KLF12: variants seen among roughly 807,000 people sequenced by gnomAD.
KLF12 encodes KLF transcription factor 12, also known as Krueppel-like factor 12.
In KLF12, 9 loss-of-function variants were observed where a neutral mutation model predicts 37.8. The ratio of observed to expected loss-of-function variants is 0.24; its 90% CI spans 0.14 to 0.42. The LOEUF is 0.42. KLF12 is among the 10% of genes least tolerant of loss of function. The pLI is 1.00. For synonymous variants in KLF12, 208 were observed against 202.1 expected, an observed-to-expected ratio of 1.03 and a Z score of -0.25; for missense variants, 411 against 516.0, an observed-to-expected ratio of 0.80 and a Z score of 1.97.
intron 3 of KLF12, among the ~76,000 whole-genome samples, chr13:73,907,511 T>C (rs1450183686): frequency 6.6e-6 from 1 of 152,206 alleles, no homozygotes; most frequent in African/African-American, 2.4e-5. Flanking sequence ...TCCTCAGCTC[T>C]CAGTCTTCTA....
At chr13:74,163,236 C>T in the KLF12 span, among the ~76,000 whole-genome samples, 2 of 152,158 alleles carry the variant, frequency 1.3e-5, no homozygotes, top group Non-Finnish European at 2.9e-5. Context: ...GCTGGGTATA[C>T]ACCCAAAAGA....
intron 3 of KLF12, among the ~76,000 whole-genome samples, chr13:73,851,357 G>A (rs1371101064): frequency 6.6e-6 from 1 of 152,108 alleles, no homozygotes; most frequent in Admixed American, 6.5e-5. Flanking sequence ...AGCTGAACAA[G>A]TCATCTTTAG....
chr13:73,756,524 T>G (rs1225296433), intron 6 of KLF12, among the ~76,000 whole-genome samples: 1 of 152,144 alleles, frequency 6.6e-6, no homozygotes, highest in Non-Finnish European at 1.5e-5. Flanking sequence ...AATGATAGAG[T>G]GCTTTCACTT....
chr13:73,854,487 C>T (rs983774004), intron 3 of KLF12, among the ~76,000 whole-genome samples: 3 of 152,132 alleles, frequency 2.0e-5, no homozygotes, highest in Non-Finnish European at 4.4e-5. Context: ...TCAAATGATA[C>T]ATTTAAAAAC....
chr13:73,810,987 T>C lies in KLF12; in HGVS notation c.806+2165A>G, dbSNP rs1387629372. ...TATTTTTTTAATTTTTCTTTCTTTT[T>C]TTTTTTTTTTTTTTTTTTTTAGGAG... On this transcript the variant is annotated intron_variant, in intron 5 of 7. Coordinates refer to ENST00000377669, the MANE Select transcript of KLF12 (RefSeq NM_007249.5). 1.5e-3 allele frequency among the ~76,000 whole-genome samples: 179 copies of C among 122,392 alleles called. 1 individual carries two copies. Among genetic ancestry groups the C allele is most frequent in the African/African-American group, 5.4e-3 (160 of 29,706 alleles). The allele number at this position is 122,392 out of a possible 152,430, so 80.3% of individuals were successfully genotyped here. A position where few individuals can be genotyped will look rare whatever the true frequency, so the allele number is the denominator to read the frequency against.
At chr13:73,752,811 G>T (rs9543444) in intron 6 of KLF12, among the ~76,000 whole-genome samples, 1 of 150,670 alleles carries the variant, frequency 6.6e-6, no homozygotes, top group Non-Finnish European at 1.5e-5. Flanking sequence ...CTGCCTCCCG[G>T]GTTCAAGCAA....
At chr13:73,779,643 G>A (rs1298069160) in intron 5 of KLF12, among the ~76,000 whole-genome samples, 1 of 152,242 alleles carries the variant, frequency 6.6e-6, no homozygotes, top group Non-Finnish European at 1.5e-5. Context: ...CTGGAGACAG[G>A]ATCATGGGAA....
chr13:73,894,398 A>G (rs1785648459), intron 3 of KLF12, among the ~76,000 whole-genome samples: 1 of 152,188 alleles, frequency 6.6e-6, no homozygotes, highest in African/African-American at 2.4e-5. Flanking sequence ...CAGGGATCTA[A>G]GAGAGTCTCC....
rs369653133 is a variant in KLF12, at chr13:73,846,109, T to C, written c.388A>G (p.Ile130Val). The C allele has an allele frequency of 4.3e-6, 7 of 1,613,962 alleles. No homozygotes were observed. The highest frequency in any genetic ancestry group is 4.2e-6 in the Non-Finnish European group (5 of 1,179,994). Residue 130 changes from isoleucine to valine, a missense_variant, in exon 4 of 8, where the codon ATC becomes GTC. Physicochemically the swap from Ile to Val is conservative, Grantham distance 29. Around this residue, in one of 2 missense-constraint regions of KLF12, gnomAD observed 351 missense variants for 397.8 expected, o/e 0.88. Transcript: ENST00000377669. ...GATGACGCTGAAGATACTGATGTGA[T>C]AACAGTTGGGGATGAGGCTAGACGA...
intron 3 of KLF12, among the ~76,000 whole-genome samples, chr13:73,884,605 C>T (rs557221809): frequency 1.3e-5 from 2 of 152,196 alleles, no homozygotes; most frequent in Non-Finnish European, 2.9e-5. Flanking sequence ...CCACAGTACT[C>T]CCCAACAGAA....
In KLF12 at chr13:73,718,007, C is replaced by T. The variant is rs148423580; in HGVS notation, c.870-2482G>A. Among the ~76,000 whole-genome samples the T allele has an allele frequency of 5.4e-3, 819 of 152,234 alleles. 5 individuals are homozygous for T. Among genetic ancestry groups the T allele is most frequent in the Admixed American group, 9.6e-3 (147 of 15,292 alleles). The stretch of plus-strand genomic sequence containing the variant: ...CATAGTGTTGTACAATGTTTAACAT[C>T]TTTTAAAAGTGAGAAAATGATAGAG... On this transcript the variant is annotated intron_variant, in intron 6 of 7. Transcript: ENST00000377669.
At chr13:74,129,821 TA>T (rs2139022296) in intron 1 of KLF12, among the ~76,000 whole-genome samples, 1 of 152,232 alleles carries the variant, frequency 6.6e-6, no homozygotes, top group Middle Eastern at 3.4e-3. Context: ...TTTATGACAA[TA>T]AACACCCAAA....
At chr13:73,701,783 A>C (rs747294178) in intron 7 of KLF12, among the ~76,000 whole-genome samples, 1 of 152,064 alleles carries the variant, frequency 6.6e-6, no homozygotes, top group Non-Finnish European at 1.5e-5. Flanking sequence ...TTCAATTCTG[A>C]AGGGATGGTC....
intron 3 of KLF12, among the ~76,000 whole-genome samples, chr13:73,866,842 C>T (rs1272212554): frequency 1.4e-5 from 2 of 143,026 alleles, no homozygotes; most frequent in African/African-American, 5.3e-5. Flanking sequence ...AATATACTGT[C>T]TTAACAATAA....
intron 3 of KLF12, among the ~76,000 whole-genome samples, chr13:73,888,928 T>C (rs1887362558): frequency 6.6e-6 from 1 of 152,206 alleles, no homozygotes; most frequent in Non-Finnish European, 1.5e-5. Context: ...GGTCAACAAC[T>C]GAAATAGCAA....
chr13:73,909,059 C>T (rs77616322), intron 3 of KLF12, among the ~76,000 whole-genome samples: 7,354 of 152,160 alleles, frequency 0.048, 409 homozygotes, highest in African/African-American at 0.14. Flanking sequence ...GTAGTGCTCA[C>T]GGTACAGGAG....
intron 6 of KLF12, among the ~76,000 whole-genome samples, chr13:73,724,772 C>T (rs1051721357): frequency 2.0e-5 from 3 of 152,230 alleles, no homozygotes; most frequent in East Asian, 3.9e-4. Context: ...CTAATTACTG[C>T]TCGAAGCTCA....
At chr13:73,777,053 A>G (rs572361392) in intron 5 of KLF12, among the ~76,000 whole-genome samples, 5 of 152,374 alleles carry the variant, frequency 3.3e-5, no homozygotes, top group Non-Finnish European at 7.3e-5. Flanking sequence ...GTTGGAAGGC[A>G]GCAGACAACT....
At chr13:73,770,131 A>G (rs895135968) in intron 5 of KLF12, among the ~76,000 whole-genome samples, 1 of 152,224 alleles carries the variant, frequency 6.6e-6, no homozygotes, top group Non-Finnish European at 1.5e-5. Flanking sequence ...TTAACCTAAA[A>G]TAACTCCACA....
Sources: gnomAD v4.1 joint callset for allele counts (sites outside exome capture counted in the v4.1 genomes callset) on GRCh38, gnomAD v4.1.1 for gene constraint, gnomAD v4.1.1 regional missense constraint, MANE v1.5 for transcripts, NCBI Gene and HGNC (gene_info 2026-07-23, HGNC 2026-07-21) for gene names.